The following CACNB4 variants were observed in gnomAD, a reference collection of about 807,000 sequenced individuals.
CACNB4 encodes the protein calcium voltage-gated channel auxiliary subunit beta 4, also known as voltage-dependent L-type calcium channel subunit beta-4.
In CACNB4, 32 loss-of-function variants were observed where a neutral mutation model predicts 71.2. That is an observed-to-expected ratio of 0.45 (90% CI 0.34 to 0.60). The LOEUF is 0.60. Among genes scored for constraint, CACNB4 ranks in the 20% least tolerant of loss-of-function variants. CACNB4 has a pLI of 0.01. For missense variants in CACNB4, 464 were observed against 647.9 expected, an observed-to-expected ratio of 0.72 and a Z score of 3.08; for synonymous variants, 231 against 236.9, an observed-to-expected ratio of 0.97 and a Z score of 0.23.
intron 2 of CACNB4, chr2:151,973,591 A>T (rs2099873186): frequency 7.6e-7 from 1 of 1,316,596 alleles, no homozygotes; most frequent in Non-Finnish European, 1.1e-6. Context: ...CTAAGAAATA[A>T]GAAGCGGGGG....
intron 2 of CACNB4, chr2:151,970,189 C>T (rs2099872148): frequency 6.6e-6 from 1 of 152,168 alleles, no homozygotes; most frequent in Non-Finnish European, 1.5e-5. Context: ...CTGTGCAGGC[C>T]AGTTCTAGTC....
chr2:151,931,715 T>C (rs2099861680), intron 2 of CACNB4, among the ~76,000 whole-genome samples: 1 of 152,170 alleles, frequency 6.6e-6, no homozygotes, highest in South Asian at 2.1e-4. Context: ...AGAACTGACA[T>C]TTCAGGATTT....
At chr2:151,960,578 T>A (rs959683516) in intron 2 of CACNB4, among the ~76,000 whole-genome samples, 1 of 152,148 alleles carries the variant, frequency 6.6e-6, no homozygotes, top group African/African-American at 2.4e-5. Flanking sequence ...ACATCACCAA[T>A]GAGAGCACCT....
chr2:151,979,933 G>A (rs955229610), intron 2 of CACNB4, among the ~76,000 whole-genome samples: 42 of 152,168 alleles, frequency 2.8e-4, no homozygotes, highest in African/African-American at 9.2e-4. Context: ...ATGGAGCAGG[G>A]CAGAAATAAA....
intron 9 of CACNB4, 125 bp from the exon 10 acceptor site, chr2:151,860,945 T>C (rs1352415593): frequency 1.5e-6 from 1 of 651,954 alleles, no homozygotes; most frequent in African/African-American, 1.8e-5. Context: ...ATAACAAACA[T>C]TGGCCACAAG....
intron 2 of CACNB4, among the ~76,000 whole-genome samples, chr2:151,901,705 G>C (rs1291688426): frequency 1.3e-5 from 2 of 152,156 alleles, no homozygotes; most frequent in Non-Finnish European, 2.9e-5. Flanking sequence ...TATAACCAAA[G>C]AACATAAAAA....
chr2:152,081,799 A>C (rs1687373484), intron 2 of CACNB4, among the ~76,000 whole-genome samples: 1 of 152,268 alleles, frequency 6.6e-6, no homozygotes, highest in African/African-American at 2.4e-5. Context: ...TGTTACTTAA[A>C]AACAGAAATT....
At chr2:151,994,140 C>T (rs948811251) in intron 2 of CACNB4, among the ~76,000 whole-genome samples, 1 of 151,856 alleles carries the variant, frequency 6.6e-6, no homozygotes, top group African/African-American at 2.4e-5. Flanking sequence ...TCACTACACT[C>T]CAGCCTAAGT....
intron 2 of CACNB4, among the ~76,000 whole-genome samples, chr2:151,890,005 C>T (rs1397537271): frequency 6.6e-6 from 1 of 152,176 alleles, no homozygotes; most frequent in East Asian, 1.9e-4. Flanking sequence ...TTAGCAACCT[C>T]ACCCTCATGA....
chr2:152,099,087 G>T, upstream of CACNB4: 1 of 957,496 alleles, frequency 1.0e-6, no homozygotes, highest in Non-Finnish European at 1.5e-6. Context: ...GCTGCGGACG[G>T]AGGGGGAGGG....
At chr2:151,891,279 C>T (rs1017884154) in intron 2 of CACNB4, among the ~76,000 whole-genome samples, 2 of 152,084 alleles carry the variant, frequency 1.3e-5, no homozygotes, top group Non-Finnish European at 2.9e-5. Flanking sequence ...TTTTAATTGA[C>T]CCCACAAGTA....
chr2:151,839,325 G>A lies in CACNB4; in HGVS notation c.1357C>T (p.Arg453Ter), dbSNP rs1553740301. The A allele has an allele frequency of 6.2e-7, 1 of 1,612,628 alleles. No homozygotes were observed. Among genetic ancestry groups the A allele is most frequent in the Non-Finnish European group, 8.5e-7 (1 of 1,178,676 alleles). Residue 453 changes from arginine to a stop codon, truncating the protein, a stop_gained, in exon 14 of 14, where the codon CGA (arginine) becomes TGA (stop). Coordinates refer to ENST00000539935, the MANE Select transcript of CACNB4 (RefSeq NM_000726.5). LOFTEE classifies it high-confidence loss of function. Reference sequence around the variant, plus strand: ...TTTTCATCAGAGGTCATTAGACTTCGTCTTTCAATTGGAGAGTTCTCTGTG... The same window carrying A: ...TTTTCATCAGAGGTCATTAGACTTCATCTTTCAATTGGAGAGTTCTCTGTG... Reference protein sequence around the residue: ...HSTENSPIERRSLMTSDENYH... With the variant: ...HSTENSPIER
chr2:152,044,296 C>T (rs1177012681), intron 2 of CACNB4, among the ~76,000 whole-genome samples: 3 of 152,184 alleles, frequency 2.0e-5, no homozygotes, highest in Non-Finnish European at 4.4e-5. Flanking sequence ...TCTTGGCTCA[C>T]TGCAAGCTCC....
intron 12 of CACNB4, among the ~76,000 whole-genome samples, chr2:151,843,554 G>A (rs1332375483): frequency 6.6e-6 from 1 of 152,106 alleles, no homozygotes; most frequent in Non-Finnish European, 1.5e-5. Flanking sequence ...GGGCTCCAGC[G>A]ATCCTCCTGC....
chr2:151,976,293 T>G (rs1050727086), intron 2 of CACNB4, among the ~76,000 whole-genome samples: 13 of 152,224 alleles, frequency 8.5e-5, no homozygotes, highest in Admixed American at 2.0e-4. Flanking sequence ...TTATCTGGCC[T>G]TTTAGTGCCT....
intron 2 of CACNB4, among the ~76,000 whole-genome samples, chr2:151,887,819 T>C (rs2099849747): frequency 6.6e-6 from 1 of 152,204 alleles, no homozygotes; most frequent in Non-Finnish European, 1.5e-5. Flanking sequence ...CATCATTTCT[T>C]TTTCAACATC....
chr2:151,833,553 T>G lies in CACNB4; in HGVS notation c.*5566A>C, dbSNP rs1158298977. 1 of 152,032 alleles carries G rather than the reference T, an allele frequency of 6.6e-6. No individual in the cohort carries two copies. Among genetic ancestry groups the G allele is most frequent in the Non-Finnish European group, 1.5e-5 (1 of 67,954 alleles). 9.4% of individuals were successfully genotyped at this position (152,032 alleles called of 1,614,324 possible). A position where few individuals can be genotyped will look rare whatever the true frequency, so the allele number is the denominator to read the frequency against. On this transcript the variant is annotated 3_prime_UTR_variant, in exon 14 of 14. Coordinates refer to ENST00000539935, the MANE Select transcript of CACNB4 (RefSeq NM_000726.5). ...TATGAGTGTTATCACAAAATAAAATTTAATAAATTTTATGGAAGGGAATAA... is the reference window on the plus strand; with the variant it reads ...TATGAGTGTTATCACAAAATAAAATGTAATAAATTTTATGGAAGGGAATAA...
chr2:151,900,820 A>C (rs1361353663), intron 2 of CACNB4, among the ~76,000 whole-genome samples: 1 of 152,158 alleles, frequency 6.6e-6, no homozygotes, highest in Non-Finnish European at 1.5e-5. Context: ...AAAAGGTCTA[A>C]AAATGATCAA....
intron 2 of CACNB4, among the ~76,000 whole-genome samples, chr2:151,911,991 G>C (rs922680142): frequency 3.3e-5 from 5 of 152,048 alleles, no homozygotes; most frequent in African/African-American, 1.2e-4. Flanking sequence ...ATGGTAATTT[G>C]TATTTCTTGG....
Sources: gnomAD v4.1 joint callset for allele counts (sites outside exome capture counted in the v4.1 genomes callset) on GRCh38, gnomAD v4.1.1 for gene constraint, MANE v1.5 for transcripts, NCBI Gene and HGNC (gene_info 2026-07-23, HGNC 2026-07-21) for gene names.